The following TMEM135 variants were observed in gnomAD, a reference collection of about 807,000 sequenced individuals.
TMEM135 encodes transmembrane protein 135.
A neutral mutation model predicts 60.3 loss-of-function variants in TMEM135; 30 were observed. The ratio of observed to expected loss-of-function variants is 0.50; its 90% CI spans 0.37 to 0.68. The LOEUF (loss-of-function observed/expected upper bound fraction) is 0.68, where lower values mean the gene tolerates loss of function less well. Among genes scored for constraint, TMEM135 ranks in the 30% least tolerant of loss-of-function variants. The pLI is 0.00. For synonymous variants in TMEM135, 190 were observed against 186.7 expected, an observed-to-expected ratio of 1.02 and a Z score of -0.14; for missense variants, 468 against 548.8, an observed-to-expected ratio of 0.85 and a Z score of 1.47.
At position 87,321,993 on chromosome 11, in the gene TMEM135, T is replaced by C. The variant is rs528805595; in HGVS notation, c.*660T>C. The C allele has an allele frequency of 2.2e-6, 1 of 454,478 alleles. No individual in the cohort carries two copies. Among genetic ancestry groups the C allele is most frequent in the African/African-American group, 2.0e-5 (1 of 50,118 alleles). 28.2% of individuals were successfully genotyped at this position (454,478 alleles called of 1,614,324 possible). ...TCATCTCTCTTCATGACCAGTTAAT[T>C]GGGCTATTTGGCAGCCCAGTGAACC... On this transcript the variant is annotated 3_prime_UTR_variant, in exon 15 of 15. Transcript: ENST00000305494.
chr11:87,142,307 A>T (rs1003144549), intron 4 of TMEM135, among the ~76,000 whole-genome samples: 4 of 152,176 alleles, frequency 2.6e-5, no homozygotes, highest in Non-Finnish European at 4.4e-5. Flanking sequence ...AGAAGCAGCA[A>T]CTAGTTTAGG....
At chr11:87,289,779 C>T (rs1015858611) in intron 6 of TMEM135, among the ~76,000 whole-genome samples, 8 of 151,992 alleles carry the variant, frequency 5.3e-5, no homozygotes, top group Non-Finnish European at 8.8e-5. Flanking sequence ...TTTACCTTCC[C>T]CCTACTGTTT....
intron 4 of TMEM135, among the ~76,000 whole-genome samples, chr11:87,119,819 A>G (rs1423443594): frequency 6.6e-6 from 1 of 152,194 alleles, no homozygotes; most frequent in Non-Finnish European, 1.5e-5. Flanking sequence ...AAGTGAGCAC[A>G]TGCTCTTGGA....
At chr11:87,222,678 C>T (rs1707797789) in intron 5 of TMEM135, among the ~76,000 whole-genome samples, 1 of 150,056 alleles carries the variant, frequency 6.7e-6, no homozygotes, top group Non-Finnish European at 1.5e-5. Flanking sequence ...GTGGCGGGCA[C>T]CTCTAGTCCC....
chr11:87,177,394 G>A (rs1239196184), intron 5 of TMEM135, among the ~76,000 whole-genome samples: 2 of 151,990 alleles, frequency 1.3e-5, no homozygotes, highest in East Asian at 1.9e-4. Context: ...TGTTCATTAT[G>A]AGAATACAGA....
chr11:87,079,542 A>G (rs781491520), intron 3 of TMEM135, among the ~76,000 whole-genome samples: 2 of 151,974 alleles, frequency 1.3e-5, no homozygotes, highest in Non-Finnish European at 2.9e-5. Flanking sequence ...GAGATTTTCT[A>G]TACAGACAAT....
intron 14 of TMEM135, among the ~76,000 whole-genome samples, 180 bp from the exon 15 acceptor site, chr11:87,321,021 A>G (rs970196192): frequency 1.6e-4 from 24 of 152,158 alleles, no homozygotes; most frequent in Admixed American, 3.9e-4. Context: ...TAAATAAAAT[A>G]TGAGACAGTG....
rs1285517554 is a variant in TMEM135 at position 87,174,991 on chromosome 11, GT to G, written c.462+17586del. 2.0e-5 allele frequency among the ~76,000 whole-genome samples: 3 copies of G among 152,206 alleles called. No homozygotes were observed. The East Asian group carries it at 5.8e-4, about 29-fold the overall frequency. On this transcript the variant is annotated intron_variant, in intron 5 of 14. Coordinates refer to ENST00000305494, the MANE Select transcript of TMEM135 (RefSeq NM_022918.4). ...GAAGCCACTGGTCATCACTTTCAGG[GT>G]GATAAAGCATTAAAAAAGGCTTCAA...
At chr11:87,169,107 A>G (rs932531325) in intron 5 of TMEM135, among the ~76,000 whole-genome samples, 1 of 151,740 alleles carries the variant, frequency 6.6e-6, no homozygotes, top group Non-Finnish European at 1.5e-5. Context: ...GTTTTATCAG[A>G]GACTAGGATT....
At chr11:87,055,185 A>G (rs931595367) in intron 1 of TMEM135, among the ~76,000 whole-genome samples, 1 of 152,222 alleles carries the variant, frequency 6.6e-6, no homozygotes, top group African/African-American at 2.4e-5. Flanking sequence ...TGACATGGTG[A>G]TTATATGAAT....
chr11:87,319,220 C>T, intron 13 of TMEM135, 90 bp from the exon 14 acceptor site: 2 of 1,122,882 alleles, frequency 1.8e-6, no homozygotes, highest in Non-Finnish European at 2.7e-6. Flanking sequence ...TTGATAGTTA[C>T]CAACTTAAAC....
At position 87,226,928 on chromosome 11, in the gene TMEM135, A is replaced by T. The variant is rs542900977; in HGVS notation, c.463-9710A>T. Among the ~76,000 whole-genome samples the T allele has an allele frequency of 9.8e-5, 15 of 152,318 alleles. No individual in the cohort carries two copies. In the South Asian group the frequency reaches 3.1e-3, roughly 32 times the overall value. On this transcript the variant is annotated intron_variant, in intron 5 of 14. Transcript: ENST00000305494. Reference sequence around the variant, plus strand: ...GCTGGGTGTGGTGGCAAATGCCTATAATCCCAGCTGCTAGAGAGGCTGAGG... The same window carrying T: ...GCTGGGTGTGGTGGCAAATGCCTATTATCCCAGCTGCTAGAGAGGCTGAGG...
At chr11:87,104,558 A>G (rs1035147092) in intron 4 of TMEM135, among the ~76,000 whole-genome samples, 4 of 152,262 alleles carry the variant, frequency 2.6e-5, no homozygotes, top group African/African-American at 4.8e-5. Context: ...GATTTTTCCA[A>G]TTCATGAACA....
At chr11:87,238,471 T>G (rs1420319466) in intron 6 of TMEM135, among the ~76,000 whole-genome samples, 1 of 151,980 alleles carries the variant, frequency 6.6e-6, no homozygotes, top group Non-Finnish European at 1.5e-5. Context: ...TTGGGATGCA[T>G]AGGATTTTGT....
At chr11:87,168,555 A>G (rs575269364) in intron 5 of TMEM135, among the ~76,000 whole-genome samples, 27 of 151,882 alleles carry the variant, frequency 1.8e-4, no homozygotes, top group Non-Finnish European at 3.7e-4. Flanking sequence ...CCTTACTTTC[A>G]TTATTTACCG....
At chr11:87,132,559 G>T (rs1157916941) in intron 4 of TMEM135, among the ~76,000 whole-genome samples, 1 of 152,110 alleles carries the variant, frequency 6.6e-6, no homozygotes, top group Non-Finnish European at 1.5e-5. Context: ...TGATTTTGAG[G>T]TAGTCTTGAC....
At position 87,185,641 on chromosome 11, in the gene TMEM135, G is replaced by T. The variant is rs772180752; in HGVS notation, c.462+28235G>T. 4.3e-4 allele frequency among the ~76,000 whole-genome samples: 65 copies of T among 152,110 alleles called. No individual in the cohort carries two copies. The Middle Eastern group carries it at 0.014, about 32-fold the overall frequency. ...TGGTGACGATTACCTATCATTACTT[G>T]TGTTTATTAGGCTTGCAAAATGGAT... On this transcript the variant is annotated intron_variant, in intron 5 of 14. Transcript: ENST00000305494.
chr11:87,177,521 G>T (rs1233551793), intron 5 of TMEM135, among the ~76,000 whole-genome samples: 1 of 152,100 alleles, frequency 6.6e-6, no homozygotes, highest in East Asian at 1.9e-4. Context: ...CTCACTGAAA[G>T]TGTGTAATTC....
chr11:87,248,716 T>G (rs1941349627), intron 6 of TMEM135, among the ~76,000 whole-genome samples: 1 of 152,180 alleles, frequency 6.6e-6, no homozygotes, highest in Admixed American at 6.5e-5. Flanking sequence ...GTGTGGACAT[T>G]TTGACAATAC....
Sources: gnomAD v4.1 joint callset for allele counts (sites outside exome capture counted in the v4.1 genomes callset) on GRCh38, gnomAD v4.1.1 for gene constraint, MANE v1.5 for transcripts, NCBI Gene and HGNC (gene_info 2026-07-23, HGNC 2026-07-21) for gene names.